TRMT11: variants seen among roughly 807,000 people sequenced by gnomAD.
TRMT11 encodes tRNA methyltransferase 11.
TRMT11 carries 53 observed loss-of-function variants against 62.8 expected under a neutral mutation model. That is an observed-to-expected ratio of 0.84 (90% CI 0.68 to 1.06). The LOEUF is 1.06. TRMT11 is among the 50% of genes least tolerant of loss of function. The pLI is 0.00. For synonymous variants in TRMT11, 188 were observed against 190.3 expected, an observed-to-expected ratio of 0.99 and a Z score of 0.10; for missense variants, 556 against 553.4, an observed-to-expected ratio of 1.00 and a Z score of -0.05.
chr6:126,011,574 G>A (rs148264815), intron 9 of TRMT11, among the ~76,000 whole-genome samples, 157 bp downstream of exon 9: 1 of 152,240 alleles, frequency 6.6e-6, no homozygotes, highest in East Asian at 1.9e-4. Flanking sequence ...AGAAAGTTAT[G>A]AAGGTACTTA....
intron 21 of TRMT11, among the ~76,000 whole-genome samples, chr6:126,168,706 AAGG>A (rs1383837337): frequency 4.6e-5 from 7 of 152,130 alleles, no homozygotes; most frequent in Non-Finnish European, 1.0e-4. Flanking sequence ...TTTAGTAGAG[AAGG>A]AGTTTCACCC....
At chr6:126,043,993 A>G (rs1346297937), downstream of TRMT11, among the ~76,000 whole-genome samples, 4 of 151,796 alleles carry the variant, frequency 2.6e-5, no homozygotes, top group Non-Finnish European at 5.9e-5. Flanking sequence ...ATTTTCTCCC[A>G]TTCTGTAGGT....
At chr6:126,169,503 G>A (rs1011567777) in intron 21 of TRMT11, among the ~76,000 whole-genome samples, 4 of 152,176 alleles carry the variant, frequency 2.6e-5, no homozygotes, top group African/African-American at 4.8e-5. Flanking sequence ...CAGGGGAAAC[G>A]TTTCCTCCTG....
intron 1 of TRMT11, among the ~76,000 whole-genome samples, chr6:126,191,464 C>CTTTTTTTTTTTTTTTTTTTGTT (rs1778599099): frequency 9.8e-6 from 1 of 102,380 alleles, no homozygotes; most frequent in Non-Finnish European, 2.1e-5. Context: ...TCCTACTTGT[C>CTTTTTTTTTTTTTTTTTTTGTT]TTTTTTTTTT....
At chr6:126,243,485 C>A in the TRMT11 span, among the ~76,000 whole-genome samples, 1 of 152,216 alleles carries the variant, frequency 6.6e-6, no homozygotes, top group African/African-American at 2.4e-5. Flanking sequence ...CACATGCACA[C>A]GTATGTTTAT....
At chr6:126,170,212 T>C (rs775330997) in intron 21 of TRMT11, among the ~76,000 whole-genome samples, 1 of 152,190 alleles carries the variant, frequency 6.6e-6, no homozygotes, top group Non-Finnish European at 1.5e-5. Context: ...GGTTTGCTTA[T>C]TTTTCACTTC....
intron 7 of TRMT11, among the ~76,000 whole-genome samples, chr6:126,007,110 C>G (rs185604655): frequency 2.4e-4 from 37 of 152,098 alleles, no homozygotes; most frequent in African/African-American, 8.7e-4. Context: ...TTAACCTTCC[C>G]TCTCACATAA....
intron 16 of TRMT11, among the ~76,000 whole-genome samples, chr6:126,047,595 G>T (rs1358138308): frequency 6.6e-6 from 1 of 152,160 alleles, no homozygotes; most frequent in African/African-American, 2.4e-5. Context: ...AGGGCAAGGT[G>T]TAAAAGGCTG....
At chr6:126,213,129 G>A in the TRMT11 span, among the ~76,000 whole-genome samples, 8 of 152,152 alleles carry the variant, frequency 5.3e-5, no homozygotes, top group East Asian at 1.5e-3. Flanking sequence ...ATTGGTCTAT[G>A]TTTCTGTTTT....
chr6:126,092,726 C>G (rs765593911), intron 17 of TRMT11, among the ~76,000 whole-genome samples: 18 of 152,112 alleles, frequency 1.2e-4, no homozygotes, highest in Non-Finnish European at 2.6e-4. Context: ...GAATCCATGG[C>G]AATTGCAACT....
At chr6:126,174,590 T>C (rs1379870400), upstream of TRMT11, among the ~76,000 whole-genome samples, 1 of 152,262 alleles carries the variant, frequency 6.6e-6, no homozygotes, top group Non-Finnish European at 1.5e-5. Context: ...GTTTATTCCC[T>C]GGCAGTTAAT....
intron 21 of TRMT11, among the ~76,000 whole-genome samples, chr6:126,160,401 T>C (rs1417395270): frequency 6.6e-6 from 1 of 152,108 alleles, no homozygotes; most frequent in African/African-American, 2.4e-5. Context: ...TTTTTTCTTT[T>C]TCAAAAAATA....
chr6:126,015,608 A>G (rs1794886149), intron 11 of TRMT11, among the ~76,000 whole-genome samples: 1 of 152,184 alleles, frequency 6.6e-6, no homozygotes. Flanking sequence ...AGAAACAAGA[A>G]CATTCCTATC....
chr6:125,986,730 T>C lies in TRMT11; in HGVS notation c.72+108T>C, dbSNP rs1789692829. 5 of 1,085,492 alleles carry C rather than the reference T, an allele frequency of 4.6e-6. No homozygotes were observed. In the South Asian group the frequency reaches 5.9e-5, roughly 13 times the overall value. The allele number at this position is 1,085,492 out of a possible 1,614,324, so 67.2% of individuals were successfully genotyped here. On this transcript the variant is annotated intron_variant, in intron 1 of 12. Transcript: ENST00000334379. ...CCGAGGAAGCTGGGATTCGGGGGTC[T>C]TCGCTGGTCTGCGCGGGTCACGCGT...
At chr6:126,158,177 A>G (rs949448404) in intron 21 of TRMT11, among the ~76,000 whole-genome samples, 1 of 152,176 alleles carries the variant, frequency 6.6e-6, no homozygotes, top group African/African-American at 2.4e-5. Flanking sequence ...ATTGTAATTT[A>G]GTCTTTTCCA....
At chr6:126,085,519 A>G (rs1221495287) in intron 17 of TRMT11, among the ~76,000 whole-genome samples, 1 of 152,198 alleles carries the variant, frequency 6.6e-6, no homozygotes, top group African/African-American at 2.4e-5. Context: ...CATATTTAAC[A>G]TGAGAAAAAT....
At chr6:126,205,459 G>A (rs569591714), downstream of TRMT11, among the ~76,000 whole-genome samples, 2 of 152,134 alleles carry the variant, frequency 1.3e-5, no homozygotes, top group Non-Finnish European at 2.9e-5. Flanking sequence ...AGCTGAGCTC[G>A]TGCCACTGCA....
intron 1 of TRMT11, among the ~76,000 whole-genome samples, chr6:126,193,065 C>T (rs1778621359): frequency 6.6e-6 from 1 of 152,032 alleles, no homozygotes; most frequent in African/African-American, 2.4e-5. Context: ...ATGTTCTGGG[C>T]TTTCTTTGAT....
At chr6:126,091,008 C>T (rs897068801) in intron 17 of TRMT11, among the ~76,000 whole-genome samples, 2 of 152,028 alleles carry the variant, frequency 1.3e-5, no homozygotes, top group Non-Finnish European at 2.9e-5. Context: ...GTCAGGCGTT[C>T]GAGACCACCT....
Sources: allele counts gnomAD v4.1 joint callset (sites outside exome capture counted in the v4.1 genomes callset), GRCh38; gene constraint gnomAD v4.1.1; transcripts MANE v1.5; gene names NCBI Gene and HGNC (gene_info 2026-07-23, HGNC 2026-07-21).